Variants in PXN observed in about 807,000 individuals in gnomAD.
PXN encodes paxillin.
A neutral mutation model predicts 103.6 loss-of-function variants in PXN; 61 were observed. That is an observed-to-expected ratio of 0.59 (90% CI 0.48 to 0.73). The LOEUF (loss-of-function observed/expected upper bound fraction) is 0.73. Among genes scored for constraint, PXN ranks in the 30% least tolerant of loss-of-function variants. The pLI, the probability that PXN is intolerant of heterozygous loss-of-function variation, is 0.00. For synonymous variants in PXN, 562 were observed against 607.8 expected (o/e 0.92, Z 1.11); for missense variants, 1,274 against 1,460.3 (o/e 0.87, Z 2.08).
intron 1 of PXN, among the ~76,000 whole-genome samples, chr12:120,260,162 C>A (rs1245655147): frequency 1.3e-5 from 2 of 152,186 alleles, no homozygotes; most frequent in Non-Finnish European, 2.9e-5. Flanking sequence ...TCCCCTGGAA[C>A]AGGAGACACT....
rs771269022 is a variant in PXN at position 120,219,527 on chromosome 12, C to A, written c.1396G>T (p.Val466Leu). ...ATGGCCTGCCGGTCCACTGCCACTA[C>A]AGCTGGCTCTGTTACTTCTTGGAAG... ...RSFQEVTEPAVVAVDRQAIFP... is the reference protein window; with the variant it reads ...RSFQEVTEPALVAVDRQAIFP... The change falls in exon 7 of 15, where the codon GTA becomes TTA. Residue 466 changes from valine (V) to leucine (L), a missense_variant. By Grantham distance (32) the Val-to-Leu change is conservative. Transcript: ENST00000637617. This position sits in a 1 kb window ranked among gnomAD's most constrained non-coding sequence, Gnocchi z 6.5. 8 of 1,592,336 alleles carry A rather than the reference C, an allele frequency of 5.0e-6. No homozygotes were observed. In the African/African-American group the frequency reaches 1.1e-4, roughly 21 times the overall value.
At chr12:120,232,801 T>G (rs575411553) in intron 1 of PXN, among the ~76,000 whole-genome samples, 1 of 152,180 alleles carries the variant, frequency 6.6e-6, no homozygotes, top group South Asian at 2.1e-4. Context: ...AGCTGCAGTT[T>G]TTTTGCGATT....
rs1183491838 is a variant in PXN, at chr12:120,214,167, A to G, written c.2799T>C (p.Cys933=). Residue 933 remains cysteine, a synonymous_variant, in exon 13 of 15, where the codon TGT becomes TGC. Coordinates refer to ENST00000637617, the MANE Select transcript of PXN (RefSeq NM_001385981.1). The surrounding 1 kb of genome is among the most constrained non-coding windows in gnomAD (Gnocchi z 5.0). ...DRTWHPEHFF[C]AQCGAFFGPE... ...GACCAAAGAAGGCTCCACACTGTGCACAGAAGAAGTGTTCAGGGTGCCACG... is the reference window on the plus strand; with the variant it reads ...GACCAAAGAAGGCTCCACACTGTGCGCAGAAGAAGTGTTCAGGGTGCCACG... The G allele has an allele frequency of 1.3e-6, 2 of 1,552,372 alleles. No individual in the cohort carries two copies. Among genetic ancestry groups the G allele is most frequent in the Non-Finnish European group, 1.7e-6 (2 of 1,147,470 alleles).
In PXN at chr12:120,222,808, G is replaced by T; in HGVS notation, c.493+55C>A. 1 of 1,605,318 alleles carries T rather than the reference G, an allele frequency of 6.2e-7. No individual in the cohort carries two copies. The highest frequency in any genetic ancestry group is 8.5e-7 in the Non-Finnish European group (1 of 1,175,612). ...CCTTGAGCCCTCCTGGGATCTAGAG[G>T]TCAGCAGATGGGCCCTGGGCCCTGG... On this transcript the variant is annotated intron_variant, in intron 4 of 14. Coordinates refer to ENST00000637617, the MANE Select transcript of PXN (RefSeq NM_001385981.1). The surrounding 1 kb of genome is among the most constrained non-coding windows in gnomAD (Gnocchi z 4.7).
intron 1 of PXN, among the ~76,000 whole-genome samples, chr12:120,259,991 T>G (rs1893619705): frequency 6.6e-6 from 1 of 152,108 alleles, no homozygotes; most frequent in Non-Finnish European, 1.5e-5. Context: ...GCAGCGGGGC[T>G]GGGGGCACAG....
chr12:120,249,252 G>A (rs1011976976), intron 1 of PXN, among the ~76,000 whole-genome samples: 3 of 151,978 alleles, frequency 2.0e-5, no homozygotes, highest in African/African-American at 4.8e-5. Flanking sequence ...TCTGACTGAA[G>A]AAGATGACGG....
chr12:120,227,204 A>G lies in PXN; in HGVS notation c.14-2827T>C, dbSNP rs1594426189. Reference sequence around the variant, plus strand: ...AAAACAGTGAGAGCCTGTCTCTACAAAAAATTTAAAAATTAGCTGGGTGTG... The same window carrying G: ...AAAACAGTGAGAGCCTGTCTCTACAGAAAATTTAAAAATTAGCTGGGTGTG... On this transcript the variant is annotated intron_variant, in intron 1 of 14. Transcript: ENST00000637617. 4.2e-6 allele frequency: 4 copies of G among 961,798 alleles called. No individual in the cohort carries two copies. In the African/African-American group the frequency reaches 7.1e-5, roughly 17 times the overall value. 59.6% of individuals were successfully genotyped at this position (961,798 alleles called of 1,614,324 possible). A position where few individuals can be genotyped will look rare whatever the true frequency, so the allele number is the denominator to read the frequency against.
rs150722003 is a variant in PXN, at chr12:120,254,117, G to A, written c.13+11500C>T. ...TGGTCTCGAACTCCTAACCTCAGAT[G>A]ATCCACCCACCTCAGCCTCCCAAAG... On this transcript the variant is annotated intron_variant, in intron 1 of 14. Transcript: ENST00000637617. Among the ~76,000 whole-genome samples, 507 of 152,176 alleles carry A rather than the reference G, an allele frequency of 3.3e-3. 5 individuals are homozygous for A. Among genetic ancestry groups the A allele is most frequent in the African/African-American group, 0.012 (486 of 41,532 alleles).
intron 1 of PXN, among the ~76,000 whole-genome samples, chr12:120,253,096 C>T (rs1892461067): frequency 6.6e-6 from 1 of 151,772 alleles, no homozygotes; most frequent in Non-Finnish European, 1.5e-5. Flanking sequence ...TTTTGAATAC[C>T]ATGCAGACCA....
At chr12:120,258,797 C>T (rs1403233606) in intron 1 of PXN, among the ~76,000 whole-genome samples, 1 of 152,116 alleles carries the variant, frequency 6.6e-6, no homozygotes, top group Non-Finnish European at 1.5e-5. Flanking sequence ...CAGTGGCTCA[C>T]ACCTGTAATC....
chr12:120,227,678 G>C (rs753890484), intron 1 of PXN, among the ~76,000 whole-genome samples: 17 of 152,134 alleles, frequency 1.1e-4, no homozygotes, highest in Non-Finnish European at 2.5e-4. Flanking sequence ...TTCTCACCTA[G>C]TGATTTGGAC....
chr12:120,262,433 C>A (rs973928541), intron 1 of PXN, among the ~76,000 whole-genome samples: 1 of 152,206 alleles, frequency 6.6e-6, no homozygotes, highest in Non-Finnish European at 1.5e-5. Context: ...CCTGGTTAGT[C>A]ACCAGCACCT....
At chr12:120,253,279 C>A (rs1414446579) in intron 1 of PXN, among the ~76,000 whole-genome samples, 1 of 152,042 alleles carries the variant, frequency 6.6e-6, no homozygotes, top group African/African-American at 2.4e-5. Flanking sequence ...TTGAGACTAG[C>A]CTGACCATTA....
In PXN at chr12:120,215,310, G is replaced by A. The variant is rs958735002; in HGVS notation, c.2404-37C>T. The A allele has an allele frequency of 3.8e-6, 6 of 1,558,600 alleles. No homozygotes were observed. The highest frequency in any genetic ancestry group is 5.2e-6 in the Non-Finnish European group (6 of 1,155,604). ...GAGGGGGCTGGTCAGGACTCCTGAG[G>A]CTCGGGGTACGGTGTCTGGCAGCAC... On this transcript the variant is annotated intron_variant, in intron 10 of 14. Coordinates refer to ENST00000637617, the MANE Select transcript of PXN (RefSeq NM_001385981.1). This position sits in a 1 kb window ranked among gnomAD's most constrained non-coding sequence, Gnocchi z 4.9.
intron 1 of PXN, chr12:120,226,257 T>C (rs1400103093): frequency 1.2e-5 from 16 of 1,287,476 alleles, no homozygotes; most frequent in African/African-American, 4.6e-5. Flanking sequence ...AGAAACCCCA[T>C]AGGACTCCCC....
chr12:120,263,247 C>T (rs191953264), intron 1 of PXN, among the ~76,000 whole-genome samples: 62 of 152,216 alleles, frequency 4.1e-4, no homozygotes, highest in African/African-American at 1.4e-3. Flanking sequence ...AGACAGCTGA[C>T]GGGGCCCCAG....
chr12:120,215,689 G>A lies in PXN; in HGVS notation c.2302-28C>T. The A allele has an allele frequency of 6.4e-7, 1 of 1,571,190 alleles. No homozygotes were observed. The highest frequency in any genetic ancestry group is 8.6e-7 in the Non-Finnish European group (1 of 1,163,040). On this transcript the variant is annotated intron_variant, in intron 9 of 14. Transcript: ENST00000637617. This position sits in a 1 kb window ranked among gnomAD's most constrained non-coding sequence, Gnocchi z 4.9. Reference sequence around the variant, plus strand: ...TAGATAGGGGAAGAGATGAGGGTAAGAAATCTTTTTTAAAAATTAAGAAAG... The same window carrying A: ...TAGATAGGGGAAGAGATGAGGGTAAAAAATCTTTTTTAAAAATTAAGAAAG...
In PXN at chr12:120,217,528, CTTTTTCT is replaced by C; in HGVS notation, c.1717-419_1717-413del. ...TGCATGCCCTTGACAAGGCATACGG[CTTTTTCT>C]TTTTTCTTTTTTTTAATTTATAATA... On this transcript the variant is annotated intron_variant, in intron 7 of 14. Coordinates refer to ENST00000637617, the MANE Select transcript of PXN (RefSeq NM_001385981.1). This position sits in a 1 kb window ranked among gnomAD's most constrained non-coding sequence, Gnocchi z 4.1. Among the ~76,000 whole-genome samples, 1 of 152,170 alleles carries C rather than the reference CTTTTTCT, an allele frequency of 6.6e-6. No individual in the cohort carries two copies. Among genetic ancestry groups the C allele is most frequent in the Non-Finnish European group, 1.5e-5 (1 of 68,016 alleles).
At position 120,212,613 on chromosome 12, in the gene PXN, C is replaced by T. The variant is rs1362968892; in HGVS notation, c.2980-33G>A. ...GCGGAGAGAGGGGCTCAGGGAGCTGCCCCTCGGGCTAGAGCTGCACCCTGT... is the reference window on the plus strand; with the variant it reads ...GCGGAGAGAGGGGCTCAGGGAGCTGTCCCTCGGGCTAGAGCTGCACCCTGT... On this transcript the variant is annotated intron_variant, in intron 14 of 14. Coordinates refer to ENST00000637617, the MANE Select transcript of PXN (RefSeq NM_001385981.1). The surrounding 1 kb of genome is among the most constrained non-coding windows in gnomAD (Gnocchi z 7.2). 1 of 1,597,810 alleles carries T rather than the reference C, an allele frequency of 6.3e-7. No individual in the cohort carries two copies. The highest frequency in any genetic ancestry group is 1.1e-5 in the South Asian group (1 of 89,464).
Sources: gnomAD v4.1 joint callset for allele counts (sites outside exome capture counted in the v4.1 genomes callset) on GRCh38, gnomAD v4.1.1 for gene constraint, Gnocchi (gnomAD v3.1) non-coding constraint, MANE v1.5 for transcripts, NCBI Gene and HGNC (gene_info 2026-07-23, HGNC 2026-07-21) for gene names.